Variants in ZEB1 observed in about 807,000 individuals in gnomAD.
ZEB1 encodes zinc finger E-box binding homeobox 1.
A neutral mutation model predicts 84.9 loss-of-function variants in ZEB1; 21 were observed. The ratio of observed to expected loss-of-function variants is 0.25; its 90% CI spans 0.18 to 0.36. The LOEUF is 0.36. Ranked by LOEUF, ZEB1 falls within the 10% of genes least tolerant of loss-of-function variation. The pLI, the probability that ZEB1 is intolerant of heterozygous loss-of-function variation, is 1.00. For missense variants in ZEB1, 1,104 were observed against 1,330.2 expected, an observed-to-expected ratio of 0.83 and a Z score of 2.65; for synonymous variants, 420 against 471.1, an observed-to-expected ratio of 0.89 and a Z score of 1.41.
In ZEB1 at chr10:31,486,040, T is replaced by C. The variant is rs144034405; in HGVS notation, c.260-9736T>C. ...AACATTTCTATTTCACTCAGATGTATTCAAGTTGTTGCGTGTATCAATAGT... is the reference window on the plus strand; with the variant it reads ...AACATTTCTATTTCACTCAGATGTACTCAAGTTGTTGCGTGTATCAATAGT... On this transcript the variant is annotated intron_variant, in intron 2 of 8. Coordinates refer to ENST00000424869, the MANE Select transcript of ZEB1 (RefSeq NM_001174096.2). 5.9e-5 allele frequency among the ~76,000 whole-genome samples: 9 copies of C among 151,958 alleles called. No individual in the cohort carries two copies. In the East Asian group the frequency reaches 9.7e-4, roughly 16 times the overall value.
intron 1 of ZEB1, among the ~76,000 whole-genome samples, chr10:31,453,776 A>G (rs1017086579): frequency 4.6e-5 from 7 of 152,164 alleles, no homozygotes; most frequent in South Asian, 2.1e-4. Flanking sequence ...TAGCCTCCCA[A>G]TAAAAAAAAA....
intron 1 of ZEB1, among the ~76,000 whole-genome samples, chr10:31,448,713 G>A (rs1311541483): frequency 1.7e-4 from 26 of 152,170 alleles, no homozygotes; most frequent in Non-Finnish European, 1.5e-4. Flanking sequence ...GTGCCTCCCA[G>A]TTAGGCTGCT....
intron 1 of ZEB1, among the ~76,000 whole-genome samples, chr10:31,435,381 G>A (rs2058165561): frequency 6.6e-6 from 1 of 152,164 alleles, no homozygotes; most frequent in African/African-American, 2.4e-5. Flanking sequence ...AGCCTCTTAG[G>A]GATATGTCAG....
intron 1 of ZEB1, among the ~76,000 whole-genome samples, chr10:31,348,073 G>A (rs1036215459): frequency 1.3e-5 from 2 of 152,140 alleles, no homozygotes; most frequent in Admixed American, 1.3e-4. Flanking sequence ...CCATAACTCA[G>A]GTGAATTTTA....
At chr10:31,513,393 G>T (rs2070457072) in intron 5 of ZEB1, among the ~76,000 whole-genome samples, 1 of 152,096 alleles carries the variant, frequency 6.6e-6, no homozygotes, top group Non-Finnish European at 1.5e-5. Context: ...TAAGAGTTTG[G>T]TGTTAATCAT....
Position 31,495,982 on chromosome 10 carries a change from T to G in ZEB1, c.322+144T>G. 1.2e-5 allele frequency: 10 copies of G among 817,224 alleles called. No homozygotes were observed. The South Asian group carries it at 1.5e-4, about 12-fold the overall frequency. The allele number at this position is 817,224 out of a possible 1,614,324, so 50.6% of individuals were successfully genotyped here. On this transcript the variant is annotated intron_variant, in intron 3 of 8. Coordinates refer to ENST00000424869, the MANE Select transcript of ZEB1 (RefSeq NM_001174096.2). Reference sequence around the variant, plus strand: ...TTAAATGTTTAAGTACTTAGGCATATGGTGCACTACATAAAAAGAAGTAAA... The same window carrying G: ...TTAAATGTTTAAGTACTTAGGCATAGGGTGCACTACATAAAAAGAAGTAAA...
rs1053518366 is a variant in ZEB1, at chr10:31,441,585, C to T, written c.59-19452C>T. ...ATCTAATTAAACTAAAGAGCTTCTGCACAGCAAAAGAAACTACCATCAGAG... is the reference window on the plus strand; with the variant it reads ...ATCTAATTAAACTAAAGAGCTTCTGTACAGCAAAAGAAACTACCATCAGAG... On this transcript the variant is annotated intron_variant, in intron 1 of 8. Coordinates refer to ENST00000424869, the MANE Select transcript of ZEB1 (RefSeq NM_001174096.2). Among the ~76,000 whole-genome samples, 39 of 152,208 alleles carry T rather than the reference C, an allele frequency of 2.6e-4. 1 individual carries two copies. Among genetic ancestry groups the T allele is most frequent in the African/African-American group, 8.4e-4 (35 of 41,534 alleles).
At chr10:31,491,071 C>T (rs2066463113) in intron 2 of ZEB1, among the ~76,000 whole-genome samples, 1 of 151,668 alleles carries the variant, frequency 6.6e-6, no homozygotes, top group African/African-American at 2.4e-5. Flanking sequence ...GAAGTTTGAG[C>T]ATAAACCCAA....
At chr10:31,441,235 G>C (rs777563077) in intron 1 of ZEB1, among the ~76,000 whole-genome samples, 65 of 152,136 alleles carry the variant, frequency 4.3e-4, no homozygotes, top group Non-Finnish European at 8.2e-4. Flanking sequence ...CAGAACAGAG[G>C]CCTCAGAAAT....
intron 1 of ZEB1, chr10:31,319,914 G>T (rs1349771501): frequency 6.8e-6 from 1 of 147,188 alleles, no homozygotes; most frequent in South Asian, 1.8e-4. Context: ...CGGCGGGACG[G>T]GGCGGCCGCG....
At chr10:31,475,317 T>C (rs2063971499) in intron 2 of ZEB1, among the ~76,000 whole-genome samples, 1 of 152,078 alleles carries the variant, frequency 6.6e-6, no homozygotes, top group African/African-American at 2.4e-5. Flanking sequence ...ACCAAAACTG[T>C]GACTTACAGG....
At position 31,416,830 on chromosome 10, in the gene ZEB1, C is replaced by A. The variant is rs371992694; in HGVS notation, c.59-44207C>A. Among the ~76,000 whole-genome samples, 46 of 152,184 alleles carry A rather than the reference C, an allele frequency of 3.0e-4. 2 individuals are homozygous for A. The South Asian group carries it at 8.7e-3, about 29-fold the overall frequency. ...CATCTTCTTGATCATACCATAAAAG[C>A]CCCCAAAGTTTTTATTGGTAGCATT... On this transcript the variant is annotated intron_variant, in intron 1 of 8. Coordinates refer to ENST00000424869, the MANE Select transcript of ZEB1 (RefSeq NM_001174096.2).
intron 2 of ZEB1, among the ~76,000 whole-genome samples, chr10:31,480,815 T>G (rs1416076916): frequency 3.3e-5 from 5 of 152,124 alleles, no homozygotes; most frequent in African/African-American, 1.2e-4. Context: ...GGTAGTCATT[T>G]AAAATATTTT....
intron 1 of ZEB1, among the ~76,000 whole-genome samples, chr10:31,323,772 T>G (rs536425166): frequency 1.7e-4 from 26 of 152,090 alleles, no homozygotes; most frequent in Non-Finnish European, 1.5e-4. Context: ...AATATAACTG[T>G]AAATTTTAAG....
intron 4 of ZEB1, among the ~76,000 whole-genome samples, chr10:31,509,945 A>G (rs942065824): frequency 1.3e-5 from 2 of 152,196 alleles, no homozygotes; most frequent in Non-Finnish European, 2.9e-5. Context: ...TTGTTTTCTA[A>G]AAGCTATATA....
chr10:31,495,787 G>T lies in ZEB1; in HGVS notation c.271G>T (p.Gly91Trp). ...TTCTTTGATTTCAGCAGGAAAGGAA[G>T]GGCAAGAAATCCTGGGGCCTGAAGC... ...NCWEDDTGKE[G>W]QEILGPEAQA... is the part of the protein sequence containing the mutation. The change falls in exon 3 of 9, where the codon GGG becomes TGG. Residue 91 changes from glycine to tryptophan, a missense_variant. Gly to Trp is a radical substitution (Grantham distance 184). Around this residue, in one of 7 missense-constraint regions of ZEB1, gnomAD observed 162 missense variants for 184.5 expected, o/e 0.88. Coordinates refer to ENST00000424869, the MANE Select transcript of ZEB1 (RefSeq NM_001174096.2). The T allele has an allele frequency of 6.2e-7, 1 of 1,612,884 alleles. No homozygotes were observed.
chr10:31,401,422 G>T (rs1232735553), intron 1 of ZEB1, among the ~76,000 whole-genome samples: 1 of 152,178 alleles, frequency 6.6e-6, no homozygotes, highest in Non-Finnish European at 1.5e-5. Context: ...AAATCAGAAG[G>T]AAAGTTGTAA....
chr10:31,498,646 T>C (rs2067640306), intron 3 of ZEB1, among the ~76,000 whole-genome samples: 1 of 152,044 alleles, frequency 6.6e-6, no homozygotes, highest in African/African-American at 2.4e-5. Context: ...ATATAAAATT[T>C]TTCATTTTAA....
chr10:31,351,805 A>G (rs1421358222), intron 1 of ZEB1, among the ~76,000 whole-genome samples: 1 of 152,328 alleles, frequency 6.6e-6, no homozygotes, highest in Non-Finnish European at 1.5e-5. Context: ...TTACAGTTGT[A>G]TAACAGAAAT....
Sources: gnomAD v4.1 joint callset for allele counts (sites outside exome capture counted in the v4.1 genomes callset) on GRCh38, gnomAD v4.1.1 for gene constraint, gnomAD v4.1.1 regional missense constraint, MANE v1.5 for transcripts, NCBI Gene and HGNC (gene_info 2026-07-23, HGNC 2026-07-21) for gene names.